Variants in PKNOX2 observed in about 807,000 individuals in gnomAD.
PKNOX2 encodes PBX/knotted 1 homeobox 2, also known as homeobox protein PKNOX2.
Under a neutral mutation model 53.1 loss-of-function variants are expected in PKNOX2, and 14 were observed. The ratio of observed to expected loss-of-function variants is 0.26; its 90% CI spans 0.17 to 0.41. The LOEUF is 0.41. Ranked by LOEUF, PKNOX2 falls within the 10% of genes least tolerant of loss-of-function variation. PKNOX2 has a pLI of 1.00. For missense variants in PKNOX2, 496 were observed against 602.8 expected (o/e 0.82, Z 1.85); for synonymous variants, 257 against 242.8 (o/e 1.06, Z -0.54).
intron 1 of PKNOX2, among the ~76,000 whole-genome samples, chr11:125,217,002 C>T (rs1940588902): frequency 7.1e-6 from 1 of 140,438 alleles, no homozygotes; most frequent in Admixed American, 7.1e-5. Context: ...TTCCCCATCC[C>T]CTCAAAACAC....
At position 125,197,673 on chromosome 11, in the gene PKNOX2, C is replaced by CAAA. The variant is rs369888039; in HGVS notation, c.-201+32902_-201+32904dup. 4.0e-3 allele frequency among the ~76,000 whole-genome samples: 612 copies of CAAA among 152,040 alleles called. 6 individuals are homozygous for CAAA. Among genetic ancestry groups the CAAA allele is most frequent in the African/African-American group, 0.014 (584 of 41,396 alleles). On this transcript the variant is annotated intron_variant, in intron 1 of 12. Transcript: ENST00000298282. ...AGAGGAAAAACAACAACAACAACAA[C>CAAA]AAAAAAACACAGCTGAGGCTCTGGC...
At chr11:125,182,290 T>A (rs539894919) in intron 1 of PKNOX2, among the ~76,000 whole-genome samples, 1 of 152,264 alleles carries the variant, frequency 6.6e-6, no homozygotes, top group African/African-American at 2.4e-5. Flanking sequence ...GAGAATGTCA[T>A]GGAACTGAAG....
At chr11:125,356,198 G>A (rs1019674991) in intron 4 of PKNOX2, among the ~76,000 whole-genome samples, 3 of 152,212 alleles carry the variant, frequency 2.0e-5, no homozygotes, top group Admixed American at 6.5e-5. Context: ...AGCTGCATGA[G>A]CATTGGACTA....
chr11:125,353,550 G>A (rs1359205451), intron 4 of PKNOX2, among the ~76,000 whole-genome samples: 1 of 152,198 alleles, frequency 6.6e-6, no homozygotes, highest in African/African-American at 2.4e-5. Context: ...TAGCCTTTGT[G>A]AGGAAGAAGG....
intron 1 of PKNOX2, among the ~76,000 whole-genome samples, chr11:125,204,769 G>C (rs994391306): frequency 2.0e-5 from 3 of 151,910 alleles, no homozygotes; most frequent in African/African-American, 7.3e-5. Context: ...CTTTTCTCCC[G>C]CTGTGATCCT....
intron 7 of PKNOX2, among the ~76,000 whole-genome samples, chr11:125,405,323 G>A (rs6590144): frequency 0.072 from 10,991 of 152,234 alleles, 1,316 homozygotes; most frequent in African/African-American, 0.25. Flanking sequence ...TCATGTCTTT[G>A]TCCCATTCTG....
At chr11:125,344,010 T>C (rs1293274926) in intron 3 of PKNOX2, among the ~76,000 whole-genome samples, 1 of 152,182 alleles carries the variant, frequency 6.6e-6, no homozygotes, top group African/African-American at 2.4e-5. Context: ...AGGCAAGTCC[T>C]GTCCATGGAG....
At chr11:125,222,554 T>C (rs187386284) in intron 1 of PKNOX2, among the ~76,000 whole-genome samples, 3 of 152,276 alleles carry the variant, frequency 2.0e-5, no homozygotes, top group Admixed American at 2.0e-4. Flanking sequence ...AATGTGCATC[T>C]GTCAAGCACC....
chr11:125,221,705 G>A (rs745677707), intron 1 of PKNOX2, among the ~76,000 whole-genome samples: 68 of 152,136 alleles, frequency 4.5e-4, no homozygotes, highest in East Asian at 1.9e-3. Flanking sequence ...CATTTCCTTC[G>A]ACTGTCACAC....
At position 125,178,694 on chromosome 11, in the gene PKNOX2, G is replaced by A. The variant is rs1214419031; in HGVS notation, c.-201+13918G>A. On this transcript the variant is annotated intron_variant, in intron 1 of 12. Coordinates refer to ENST00000298282, the MANE Select transcript of PKNOX2 (RefSeq NM_001382323.2). ...GGAAAGAAAGAGAGAGAGAGAGAGA[G>A]AGAGAAAGAAAGAAAGAAAGAAAGA... Among the ~76,000 whole-genome samples, 657 of 134,116 alleles carry A rather than the reference G, an allele frequency of 4.9e-3. 60 individuals are homozygous for A. Among genetic ancestry groups the A allele is most frequent in the African/African-American group, 0.018 (621 of 33,680 alleles). 88.0% of individuals were successfully genotyped at this position (134,116 alleles called of 152,430 possible).
At chr11:125,279,324 C>T (rs1360597785) in intron 2 of PKNOX2, among the ~76,000 whole-genome samples, 1 of 152,152 alleles carries the variant, frequency 6.6e-6, no homozygotes, top group Admixed American at 6.5e-5. Flanking sequence ...AAGTATCTAC[C>T]CTGCACTCAG....
chr11:125,428,321 C>A (rs549382046), intron 10 of PKNOX2, among the ~76,000 whole-genome samples: 1 of 152,086 alleles, frequency 6.6e-6, no homozygotes, highest in Admixed American at 6.5e-5. Context: ...AATCGGAAGA[C>A]CTGAGCTGGT....
chr11:125,326,536 G>C (rs151146377), intron 2 of PKNOX2, among the ~76,000 whole-genome samples: 15 of 152,206 alleles, frequency 9.9e-5, no homozygotes, highest in African/African-American at 3.6e-4. Flanking sequence ...GTAGACTTTT[G>C]AGCAGAGGAG....
intron 1 of PKNOX2, among the ~76,000 whole-genome samples, chr11:125,167,654 G>A (rs1954996459): frequency 6.6e-6 from 1 of 152,214 alleles, no homozygotes; most frequent in East Asian, 1.9e-4. Flanking sequence ...CTTGAGACTG[G>A]CTGTTTTATG....
intron 7 of PKNOX2, among the ~76,000 whole-genome samples, chr11:125,404,282 G>A (rs1189868326): frequency 2.6e-5 from 4 of 152,352 alleles, no homozygotes; most frequent in Admixed American, 6.5e-5. Context: ...AGAGACCAGA[G>A]GGTGGCCTTT....
chr11:125,278,714 T>G (rs1946348999), intron 2 of PKNOX2, among the ~76,000 whole-genome samples: 3 of 152,196 alleles, frequency 2.0e-5, no homozygotes, highest in African/African-American at 4.8e-5. Flanking sequence ...GTTTGGTTGT[T>G]GGCATCCAGT....
At chr11:125,211,388 C>G (rs993234188) in intron 1 of PKNOX2, among the ~76,000 whole-genome samples, 1 of 152,134 alleles carries the variant, frequency 6.6e-6, no homozygotes, top group Non-Finnish European at 1.5e-5. Context: ...AGGCACTGTT[C>G]TGGGTGCTGA....
At chr11:125,251,720 G>A (rs1944016149) in intron 2 of PKNOX2, among the ~76,000 whole-genome samples, 1 of 151,074 alleles carries the variant, frequency 6.6e-6, no homozygotes, top group Admixed American at 6.6e-5. Flanking sequence ...ATTCCTGCTG[G>A]CTCAACCCCC....
chr11:125,365,914 C>T (rs1952164960), intron 4 of PKNOX2, among the ~76,000 whole-genome samples: 1 of 152,184 alleles, frequency 6.6e-6, no homozygotes, highest in South Asian at 2.1e-4. Context: ...ACCCCAGTGC[C>T]CAGCACGGTG....
Sources: gnomAD v4.1 joint callset for allele counts (sites outside exome capture counted in the v4.1 genomes callset) on GRCh38, gnomAD v4.1.1 for gene constraint, MANE v1.5 for transcripts, NCBI Gene and HGNC (gene_info 2026-07-23, HGNC 2026-07-21) for gene names.